The following GRIA1 variants were observed in gnomAD, a reference collection of about 807,000 sequenced individuals.
GRIA1 encodes glutamate ionotropic receptor AMPA type subunit 1, also known as glutamate receptor 1.
Under a neutral mutation model 99.2 loss-of-function variants are expected in GRIA1, and 31 were observed. The observed-to-expected ratio is 0.31, with a 90% CI of 0.23 to 0.42. The LOEUF is 0.42. GRIA1 is among the 10% of genes least tolerant of loss of function. The pLI is 1.00. For synonymous variants in GRIA1, 438 were observed against 432.4 expected, an observed-to-expected ratio of 1.01 and a Z score of -0.16; for missense variants, 782 against 1,157.5, an observed-to-expected ratio of 0.68 and a Z score of 4.71.
chr5:153,727,071 G>T (rs369132922), intron 11 of GRIA1, among the ~76,000 whole-genome samples: 24 of 152,022 alleles, frequency 1.6e-4, no homozygotes, highest in Admixed American at 2.0e-4. Flanking sequence ...GGGATGCAAG[G>T]CTGGTTCAAT....
chr5:153,710,888 G>A (rs555435825), intron 11 of GRIA1, among the ~76,000 whole-genome samples: 1 of 152,336 alleles, frequency 6.6e-6, no homozygotes, highest in African/African-American at 2.4e-5. Context: ...GATAATACAA[G>A]AAGTGGAATT....
chr5:153,805,116 G>A (rs1032725685), intron 15 of GRIA1, among the ~76,000 whole-genome samples: 2 of 126,792 alleles, frequency 1.6e-5, no homozygotes, highest in African/African-American at 6.4e-5. Context: ...TTGTTGTAAG[G>A]ATTGTATGAA....
intron 8 of GRIA1, among the ~76,000 whole-genome samples, chr5:153,696,855 G>GGTGT (rs1218399677): frequency 4.7e-3 from 519 of 111,400 alleles, no homozygotes; most frequent in African/African-American, 0.015. Flanking sequence ...ATAGCTTTAG[G>GGTGT]GTGTGTATGT....
intron 15 of GRIA1, among the ~76,000 whole-genome samples, chr5:153,809,565 A>C (rs1766670282): frequency 6.6e-6 from 1 of 152,266 alleles, no homozygotes; most frequent in South Asian, 2.1e-4. Flanking sequence ...TTCTCTGGTC[A>C]CTAGAATAAT....
At chr5:153,500,357 G>A (rs540749050) in intron 2 of GRIA1, among the ~76,000 whole-genome samples, 8 of 152,146 alleles carry the variant, frequency 5.3e-5, no homozygotes, top group Non-Finnish European at 1.2e-4. Flanking sequence ...CCATACCTTT[G>A]TAGACAGCAT....
In GRIA1 at chr5:153,727,316, G is replaced by A. The variant is rs368596661; in HGVS notation, c.1823+21249G>A. ...CAAAAACTGGAAGCATTCCCTTTGA[G>A]AACTGGCACAAGACAGGGATGCCCT... On this transcript the variant is annotated intron_variant, in intron 11 of 15. Transcript: ENST00000285900. Among the ~76,000 whole-genome samples the A allele has an allele frequency of 3.6e-4, 54 of 151,954 alleles. 1 individual carries two copies. Among genetic ancestry groups the A allele is most frequent in the Admixed American group, 3.1e-3 (47 of 15,246 alleles).
chr5:153,770,530 T>G, intron 13 of GRIA1, 115 bp downstream of exon 13: 1 of 990,166 alleles, frequency 1.0e-6, no homozygotes, highest in Non-Finnish European at 1.5e-6. Context: ...TTGAGGGGGC[T>G]CTTCTTCAAC....
rs181778259 is a variant in GRIA1, at chr5:153,502,151, C to T, written c.220+8086C>T. Among the ~76,000 whole-genome samples, 5 of 152,282 alleles carry T rather than the reference C, an allele frequency of 3.3e-5. No homozygotes were observed. In the East Asian group the frequency reaches 9.6e-4, roughly 29 times the overall value. On this transcript the variant is annotated intron_variant, in intron 2 of 15. Transcript: ENST00000285900. ...GCCCTTCAGCTGTTTTTACCATCTC[C>T]CTAGCAATGGTCACGCTTATCCCCA... is the stretch of plus-strand genomic sequence containing the variant.
intron 2 of GRIA1, among the ~76,000 whole-genome samples, chr5:153,594,057 T>C (rs1013363073): frequency 9.2e-5 from 14 of 152,252 alleles, no homozygotes; most frequent in African/African-American, 3.4e-4. Context: ...CTTTTTTCCA[T>C]TGTGGCTGAT....
chr5:153,557,731 A>C (rs2149348807), intron 2 of GRIA1: 1 of 152,314 alleles, frequency 6.6e-6, no homozygotes, highest in Admixed American at 6.5e-5. Context: ...ACACAAACAC[A>C]TGCATTAGCC....
intron 11 of GRIA1, among the ~76,000 whole-genome samples, chr5:153,741,134 T>C (rs555395548): frequency 2.0e-5 from 3 of 151,846 alleles, no homozygotes; most frequent in African/African-American, 7.3e-5. Context: ...CTGCCACCAC[T>C]CCTGGCTAAT....
intron 2 of GRIA1, among the ~76,000 whole-genome samples, chr5:153,568,885 G>A (rs1250795349): frequency 6.6e-6 from 1 of 152,130 alleles, no homozygotes; most frequent in Non-Finnish European, 1.5e-5. Flanking sequence ...GTTTCCCAGA[G>A]AATCTGTTGT....
chr5:153,692,609 A>T (rs1182746003), intron 8 of GRIA1, among the ~76,000 whole-genome samples: 3 of 152,174 alleles, frequency 2.0e-5, no homozygotes, highest in African/African-American at 7.2e-5. Flanking sequence ...AAAGCCAAAG[A>T]TATCTACCGT....
At chr5:153,545,962 A>T (rs1759580015) in intron 2 of GRIA1, among the ~76,000 whole-genome samples, 2 of 152,156 alleles carry the variant, frequency 1.3e-5, no homozygotes, top group Admixed American at 1.3e-4. Flanking sequence ...AACATGTTCA[A>T]TTTTATGTGT....
intron 2 of GRIA1, among the ~76,000 whole-genome samples, chr5:153,526,237 G>C (rs1411563984): frequency 6.6e-6 from 1 of 152,138 alleles, no homozygotes; most frequent in Non-Finnish European, 1.5e-5. Flanking sequence ...AGTGAAACTT[G>C]GGATTGGGAA....
intron 5 of GRIA1, among the ~76,000 whole-genome samples, chr5:153,671,932 G>T (rs1490195134): frequency 6.6e-6 from 1 of 152,172 alleles, no homozygotes; most frequent in African/African-American, 2.4e-5. Context: ...CTCTAACAGG[G>T]CACTGAGATA....
At chr5:153,622,990 G>A (rs1461907245) in intron 2 of GRIA1, among the ~76,000 whole-genome samples, 1 of 152,200 alleles carries the variant, frequency 6.6e-6, no homozygotes, top group African/African-American at 2.4e-5. Context: ...GAGAGGAGTT[G>A]ATCACTTTAG....
chr5:153,805,116 G>C (rs1032725685), intron 15 of GRIA1, among the ~76,000 whole-genome samples: 1 of 126,792 alleles, frequency 7.9e-6, no homozygotes, highest in East Asian at 3.0e-4. Flanking sequence ...TTGTTGTAAG[G>C]ATTGTATGAA....
rs749915140 is a variant in GRIA1 at position 153,770,202 on chromosome 5, C to T, written c.2057C>T (p.Thr686Ile). The part of the protein sequence containing the change: ...SKIAVFEKMW[T>I]YMKSAEPSVF... ...ATTGCTGTGTTTGAGAAGATGTGGA[C>T]ATACATGAAGTCAGCAGAGCCATCA... is the stretch of plus-strand genomic sequence containing the variant. The change falls in exon 13 of 16, where the codon ACA becomes ATA. Residue 686 changes from threonine to isoleucine, a missense_variant. By Grantham distance (89) the Thr-to-Ile change is moderately conservative. This residue lies in a region of GRIA1 where 119 missense variants were observed against 326.6 expected (regional missense o/e 0.36). Coordinates refer to ENST00000285900, the MANE Select transcript of GRIA1 (RefSeq NM_000827.4). 4.4e-5 allele frequency: 71 copies of T among 1,613,526 alleles called. No individual in the cohort carries two copies. The highest frequency in any genetic ancestry group is 5.9e-5 in the Non-Finnish European group (70 of 1,179,626).
Sources: allele counts gnomAD v4.1 joint callset (sites outside exome capture counted in the v4.1 genomes callset), GRCh38; gene constraint gnomAD v4.1.1; regional missense constraint gnomAD v4.1.1; transcripts MANE v1.5; gene names NCBI Gene and HGNC (gene_info 2026-07-23, HGNC 2026-07-21).